The following CA10 variants were observed in gnomAD, a reference collection of about 807,000 sequenced individuals.
CA10 encodes carbonic anhydrase 10 (inactive).
In CA10, 14 loss-of-function variants were observed where a neutral mutation model predicts 44.2. The observed-to-expected ratio is 0.32, with a 90% CI of 0.21 to 0.50. The LOEUF (loss-of-function observed/expected upper bound fraction) is 0.50, where lower values mean the gene tolerates loss of function less well. Ranked by LOEUF, CA10 falls within the 20% of genes least tolerant of loss-of-function variation. The pLI is 0.99. For synonymous variants in CA10, 159 were observed against 141.6 expected, an observed-to-expected ratio of 1.12 and a Z score of -0.87; for missense variants, 350 against 409.7, an observed-to-expected ratio of 0.85 and a Z score of 1.26.
At chr17:52,153,556 A>G (rs1432324329) in intron 1 of CA10, among the ~76,000 whole-genome samples, 1 of 152,142 alleles carries the variant, frequency 6.6e-6, no homozygotes, top group African/African-American at 2.4e-5. Context: ...TACAGTTATG[A>G]CTATGCACCA....
rs1912564772 is a variant in CA10 at position 51,631,376 on chromosome 17, G to T, written c.*208C>A. On this transcript the variant is annotated 3_prime_UTR_variant, in exon 9 of 9. Transcript: ENST00000451037. ...CATGTGTTTGTATGTATGTGCAAGT[G>T]CTTGTGTGTGTGTTTGTGAGTATGT... is the stretch of plus-strand genomic sequence containing the variant. 1 of 638,282 alleles carries T rather than the reference G, an allele frequency of 1.6e-6. No individual in the cohort carries two copies. The highest frequency in any genetic ancestry group is 2.8e-6 in the Non-Finnish European group (1 of 351,354). The allele number at this position is 638,282 out of a possible 1,614,324, so 39.5% of individuals were successfully genotyped here.
At chr17:51,982,720 C>T (rs971227137) in intron 2 of CA10, among the ~76,000 whole-genome samples, 1 of 151,858 alleles carries the variant, frequency 6.6e-6, no homozygotes, top group Non-Finnish European at 1.5e-5. Context: ...ACAACCTTTT[C>T]CCAATAAATT....
intron 2 of CA10, among the ~76,000 whole-genome samples, chr17:51,957,309 CT>C (rs1275120674): frequency 1.3e-5 from 2 of 152,122 alleles, no homozygotes; most frequent in East Asian, 1.9e-4. Context: ...ACATTTATCA[CT>C]TTTTTTCCTT....
chr17:51,885,646 A>ATCATCTTAG (rs1438445623), intron 3 of CA10, among the ~76,000 whole-genome samples: 1 of 152,220 alleles, frequency 6.6e-6, no homozygotes, highest in Non-Finnish European at 1.5e-5. Flanking sequence ...TAGAAATTTT[A>ATCATCTTAG]TCATCTTAGC....
At chr17:51,649,888 A>AAAC (rs1555579439) in intron 5 of CA10, among the ~76,000 whole-genome samples, 20 of 149,860 alleles carry the variant, frequency 1.3e-4, no homozygotes, top group Non-Finnish European at 2.1e-4. Context: ...GAAAAAAAAA[A>AAAC]AAACTGAAAA....
intron 2 of CA10, among the ~76,000 whole-genome samples, chr17:51,984,271 C>T (rs753230028): frequency 7.3e-5 from 11 of 151,646 alleles, no homozygotes; most frequent in South Asian, 4.2e-4. Flanking sequence ...GGGTCAAAAA[C>T]GAAAGCAAGA....
chr17:51,703,374 A>G (rs980671981), intron 4 of CA10, among the ~76,000 whole-genome samples: 1 of 152,098 alleles, frequency 6.6e-6, no homozygotes, highest in Non-Finnish European at 1.5e-5. Context: ...AAAGATAATG[A>G]TATTCCAAAC....
chr17:51,856,126 C>A (rs936884941), intron 3 of CA10, among the ~76,000 whole-genome samples: 2 of 152,162 alleles, frequency 1.3e-5, no homozygotes, highest in Admixed American at 6.5e-5. Flanking sequence ...CCCGACCTGT[C>A]CCCTGGACAA....
chr17:52,041,632 TATG>T (rs1004505792), intron 2 of CA10, among the ~76,000 whole-genome samples: 6 of 152,094 alleles, frequency 3.9e-5, no homozygotes, highest in African/African-American at 1.4e-4. Context: ...AAGTATACAA[TATG>T]ATATTAAGTA....
intron 3 of CA10, among the ~76,000 whole-genome samples, chr17:51,823,157 G>A (rs755356461): frequency 2.0e-5 from 3 of 152,142 alleles, no homozygotes; most frequent in Admixed American, 6.5e-5. Flanking sequence ...TGAAGAAGAG[G>A]GATCTTTCCT....
intron 4 of CA10, among the ~76,000 whole-genome samples, chr17:51,722,107 T>G (rs186573776): frequency 5.1e-4 from 78 of 152,280 alleles, no homozygotes; most frequent in African/African-American, 1.9e-3. Context: ...AGATAAATCT[T>G]AGAATTGAAT....
chr17:52,021,087 C>A (rs1351029521), intron 2 of CA10, among the ~76,000 whole-genome samples: 1 of 151,832 alleles, frequency 6.6e-6, no homozygotes, highest in Non-Finnish European at 1.5e-5. Context: ...ATATAACAAA[C>A]CTACTCATGT....
In CA10 at chr17:51,880,750, A is replaced by AT. The variant is rs1365621563; in HGVS notation, c.279+50239dup. Among the ~76,000 whole-genome samples the AT allele has an allele frequency of 8.5e-5, 13 of 152,312 alleles. No homozygotes were observed. The East Asian group carries it at 2.1e-3, about 25-fold the overall frequency. ...TTGGCATATCTGGTAAGTTTCAGTA[A>AT]TAAAAAAAAATAAGTAATGAAAGAC... On this transcript the variant is annotated intron_variant, in intron 3 of 8. Transcript: ENST00000451037.
intron 3 of CA10, among the ~76,000 whole-genome samples, chr17:51,881,564 T>C (rs1387614770): frequency 1.3e-5 from 2 of 151,460 alleles, no homozygotes; most frequent in Non-Finnish European, 2.9e-5. Flanking sequence ...TATAAAAACA[T>C]AAAAATCAAT....
intron 3 of CA10, among the ~76,000 whole-genome samples, chr17:51,856,007 T>C (rs2143831943): frequency 6.6e-6 from 1 of 152,196 alleles, no homozygotes; most frequent in Admixed American, 6.5e-5. Context: ...GAGCAAACAG[T>C]AAGGCTCTTT....
At chr17:52,110,885 A>T (rs963939719) in intron 1 of CA10, among the ~76,000 whole-genome samples, 7 of 152,196 alleles carry the variant, frequency 4.6e-5, no homozygotes, top group African/African-American at 1.7e-4. Context: ...GTGAGCTGAC[A>T]GTAACCTATA....
chr17:51,889,555 A>G (rs1301113587), intron 3 of CA10, among the ~76,000 whole-genome samples: 1 of 152,000 alleles, frequency 6.6e-6, no homozygotes, highest in Non-Finnish European at 1.5e-5. Flanking sequence ...AACCAAACCA[A>G]ACAAAACAAA....
chr17:52,135,926 T>C (rs1289070672), intron 1 of CA10, among the ~76,000 whole-genome samples: 2 of 152,222 alleles, frequency 1.3e-5, no homozygotes, highest in Non-Finnish European at 2.9e-5. Context: ...TTATTATCTG[T>C]GCTGGAGCCA....
chr17:51,860,894 A>C lies in CA10; in HGVS notation c.279+70096T>G, dbSNP rs537463069. On this transcript the variant is annotated intron_variant, in intron 3 of 8. Coordinates refer to ENST00000451037, the MANE Select transcript of CA10 (RefSeq NM_020178.5). ...ACTGAGAATGGGACAAAGATATTACACTAAGTATTTGACTTAATCCTACTC... is the reference window on the plus strand; with the variant it reads ...ACTGAGAATGGGACAAAGATATTACCCTAAGTATTTGACTTAATCCTACTC... Among the ~76,000 whole-genome samples, 4 of 152,232 alleles carry C rather than the reference A, an allele frequency of 2.6e-5. No homozygotes were observed. The South Asian group carries it at 8.3e-4, about 32-fold the overall frequency.
Sources: gnomAD v4.1 joint callset for allele counts (sites outside exome capture counted in the v4.1 genomes callset) on GRCh38, gnomAD v4.1.1 for gene constraint, MANE v1.5 for transcripts, NCBI Gene and HGNC (gene_info 2026-07-23, HGNC 2026-07-21) for gene names.